CNTN5: variants seen among roughly 807,000 people sequenced by gnomAD.
CNTN5 encodes the protein contactin-5.
Under a neutral mutation model 129.1 loss-of-function variants are expected in CNTN5, and 77 were observed. The observed-to-expected ratio is 0.60, with a 90% CI of 0.50 to 0.72. The LOEUF is 0.72. Among genes scored for constraint, CNTN5 ranks in the 30% least tolerant of loss-of-function variants. CNTN5 has a pLI of 0.00. For missense variants in CNTN5, 1,478 were observed against 1,328.8 expected (o/e 1.11, Z -1.75); for synonymous variants, 509 against 465.6 (o/e 1.09, Z -1.20).
rs370095131 is a variant in CNTN5 at position 100,230,147 on chromosome 11, A to G, written c.2005+5335A>G. Among the ~76,000 whole-genome samples the G allele has an allele frequency of 4.4e-4, 67 of 152,320 alleles. No homozygotes were observed. In the East Asian group the frequency reaches 0.011, roughly 25 times the overall value. ...GAAGAATAAAATTTATTCAGCTAAC[A>G]TAATTATTTTTCAATATTTTTGAAA... On this transcript the variant is annotated intron_variant, in intron 16 of 24. Coordinates refer to ENST00000524871, the MANE Select transcript of CNTN5 (RefSeq NM_014361.4).
intron 7 of CNTN5, among the ~76,000 whole-genome samples, chr11:99,919,343 T>G (rs1949876681): frequency 1.3e-5 from 2 of 152,008 alleles, no homozygotes; most frequent in African/African-American, 4.8e-5. Flanking sequence ...AGAGTTTGAT[T>G]CCTCTTCTGG....
At chr11:100,246,230 A>G (rs1949837302) in intron 16 of CNTN5, among the ~76,000 whole-genome samples, 1 of 152,158 alleles carries the variant, frequency 6.6e-6, no homozygotes, top group Non-Finnish European at 1.5e-5. Context: ...AGTACTTTGT[A>G]CATACATCAC....
intron 3 of CNTN5, among the ~76,000 whole-genome samples, chr11:99,713,303 T>A (rs1190645808): frequency 6.6e-6 from 1 of 151,912 alleles, no homozygotes; most frequent in Non-Finnish European, 1.5e-5. Context: ...GTTGTTGTTG[T>A]TATTGGTGTA....
chr11:99,486,509 T>C (rs1945818255), intron 2 of CNTN5, among the ~76,000 whole-genome samples: 1 of 152,084 alleles, frequency 6.6e-6, no homozygotes, highest in South Asian at 2.1e-4. Flanking sequence ...AGTATATTAT[T>C]CCATTTTAGA....
intron 7 of CNTN5, among the ~76,000 whole-genome samples, chr11:99,922,356 T>C (rs1162541626): frequency 6.6e-6 from 1 of 152,080 alleles, no homozygotes; most frequent in African/African-American, 2.4e-5. Flanking sequence ...CAAGATGAGA[T>C]TTGAGTGGGG....
chr11:99,441,767 T>A (rs1943837329), intron 2 of CNTN5, among the ~76,000 whole-genome samples: 1 of 152,198 alleles, frequency 6.6e-6, no homozygotes, highest in South Asian at 2.1e-4. Flanking sequence ...TCTAAAACAG[T>A]TTGGTAATCT....
chr11:99,425,268 C>T (rs562712443), intron 2 of CNTN5, among the ~76,000 whole-genome samples: 100 of 152,338 alleles, frequency 6.6e-4, no homozygotes, highest in African/African-American at 2.2e-3. Flanking sequence ...AGGCCAGGGA[C>T]TTCACCCAGA....
chr11:99,951,682 C>G (rs367668917), intron 7 of CNTN5, among the ~76,000 whole-genome samples: 1 of 152,006 alleles, frequency 6.6e-6, no homozygotes, highest in Admixed American at 6.6e-5. Flanking sequence ...TGATCTTTTT[C>G]TCTTTTGCTC....
intron 16 of CNTN5, among the ~76,000 whole-genome samples, chr11:100,239,108 G>T (rs1180045508): frequency 2.0e-5 from 3 of 152,144 alleles, no homozygotes. Flanking sequence ...GTTTCCTGAA[G>T]TTGGTTGCAC....
chr11:99,554,725 A>G (rs1948610582), intron 2 of CNTN5, among the ~76,000 whole-genome samples: 1 of 152,114 alleles, frequency 6.6e-6, no homozygotes, highest in Non-Finnish European at 1.5e-5. Flanking sequence ...TCAACTGTGC[A>G]GTTCTCATGA....
intron 1 of CNTN5, among the ~76,000 whole-genome samples, chr11:99,202,481 C>A (rs114084968): frequency 1.7e-3 from 254 of 152,046 alleles, no homozygotes; most frequent in African/African-American, 5.6e-3. Context: ...TCTTTGCTAC[C>A]AGAAGTGCAG....
chr11:99,072,492 A>G (rs1029622049), intron 1 of CNTN5, among the ~76,000 whole-genome samples: 2 of 152,206 alleles, frequency 1.3e-5, no homozygotes, highest in African/African-American at 4.8e-5. Context: ...GACATAATAC[A>G]TATTTGCATA....
At chr11:99,821,299 G>A (rs996246895) in intron 4 of CNTN5, among the ~76,000 whole-genome samples, 2 of 152,122 alleles carry the variant, frequency 1.3e-5, no homozygotes, top group Admixed American at 6.6e-5. Context: ...TGAAAATGAT[G>A]AGAACAATAA....
intron 3 of CNTN5, among the ~76,000 whole-genome samples, chr11:99,649,323 T>C (rs904406505): frequency 7.2e-5 from 11 of 151,798 alleles, no homozygotes; most frequent in African/African-American, 1.2e-4. Flanking sequence ...TTTAGTTTTA[T>C]CCTGATCAAA....
At chr11:99,695,492 C>A (rs1329409071) in intron 3 of CNTN5, among the ~76,000 whole-genome samples, 1 of 152,006 alleles carries the variant, frequency 6.6e-6, no homozygotes, top group Non-Finnish European at 1.5e-5. Flanking sequence ...TAAGAAGTAG[C>A]AGAAGCTGAC....
chr11:99,821,431 TCTGG>T (rs1946797992), intron 4 of CNTN5, among the ~76,000 whole-genome samples: 1 of 152,100 alleles, frequency 6.6e-6, no homozygotes, highest in South Asian at 2.1e-4. Context: ...AGAAAGAAAA[TCTGG>T]TCAGTTACAT....
chr11:99,177,622 T>G (rs572038851), intron 1 of CNTN5, among the ~76,000 whole-genome samples: 49 of 152,294 alleles, frequency 3.2e-4, no homozygotes, highest in African/African-American at 1.1e-3. Flanking sequence ...GTGGGATTAG[T>G]CAGTCAATCA....
chr11:99,945,101 A>G (rs1220689821), intron 7 of CNTN5, among the ~76,000 whole-genome samples: 1 of 152,134 alleles, frequency 6.6e-6, no homozygotes, highest in Non-Finnish European at 1.5e-5. Flanking sequence ...GGGTACAGGT[A>G]TGACAGCAAA....
chr11:99,169,542 TAAG>T (rs2135536247), intron 1 of CNTN5, among the ~76,000 whole-genome samples: 1 of 152,144 alleles, frequency 6.6e-6, no homozygotes, highest in Admixed American at 6.6e-5. Flanking sequence ...GAGCCATTAA[TAAG>T]AAGAATAATG....
Sources: allele counts gnomAD v4.1 joint callset (sites outside exome capture counted in the v4.1 genomes callset), GRCh38; gene constraint gnomAD v4.1.1; transcripts MANE v1.5; gene names NCBI Gene and HGNC (gene_info 2026-07-23, HGNC 2026-07-21).